TMEM132C: variants seen among roughly 807,000 people sequenced by gnomAD.
TMEM132C encodes the protein transmembrane protein 132C.
Under a neutral mutation model 61.4 loss-of-function variants are expected in TMEM132C, and 29 were observed. The ratio of observed to expected loss-of-function variants is 0.47; its 90% CI spans 0.35 to 0.64. The LOEUF (loss-of-function observed/expected upper bound fraction) is 0.64, where lower values mean the gene tolerates loss of function less well. Among genes scored for constraint, TMEM132C ranks in the 30% least tolerant of loss-of-function variants. TMEM132C has a pLI of 0.00. For synonymous variants in TMEM132C, 656 were observed against 633.1 expected, an observed-to-expected ratio of 1.04 and a Z score of -0.54; for missense variants, 1,408 against 1,476.9, an observed-to-expected ratio of 0.95 and a Z score of 0.76.
chr12:128,533,292 G>A, intron 2 of TMEM132C, among the ~76,000 whole-genome samples: 1 of 152,220 alleles, frequency 6.6e-6, no homozygotes, highest in Non-Finnish European at 1.5e-5. Flanking sequence ...TTCCTTCAGG[G>A]TTGTAATGAC....
chr12:128,315,274 TGGAGAGGAACG>T (rs1872113259), intron 1 of TMEM132C, among the ~76,000 whole-genome samples: 1 of 152,088 alleles, frequency 6.6e-6, no homozygotes. Context: ...CGTCAGTGTG[TGGAGAGGAACG>T]GGATGAGGCT....
chr12:128,658,483 C>T (rs193176981), intron 4 of TMEM132C, among the ~76,000 whole-genome samples: 1 of 152,276 alleles, frequency 6.6e-6, no homozygotes, highest in African/African-American at 2.4e-5. Flanking sequence ...ACCAACTGCG[C>T]TTCCGCTGAG....
chr12:128,450,246 C>T (rs1870133662), intron 2 of TMEM132C, among the ~76,000 whole-genome samples: 1 of 152,144 alleles, frequency 6.6e-6, no homozygotes, highest in Admixed American at 6.5e-5. Context: ...TTAAGAGTCA[C>T]TTGTGGCTAC....
At chr12:128,340,116 T>C (rs920916589) in intron 1 of TMEM132C, among the ~76,000 whole-genome samples, 5 of 152,272 alleles carry the variant, frequency 3.3e-5, no homozygotes, top group Non-Finnish European at 7.3e-5. Flanking sequence ...GTTTCTTTTT[T>C]GCTTTTCCTT....
At chr12:128,268,345 G>C (rs1431399632) in intron 1 of TMEM132C, among the ~76,000 whole-genome samples, 1 of 152,350 alleles carries the variant, frequency 6.6e-6, no homozygotes, top group East Asian at 1.9e-4. Context: ...GTGCGGCCGA[G>C]TGGCCGCGCG....
At chr12:128,444,897 A>T (rs1869923964) in intron 2 of TMEM132C, among the ~76,000 whole-genome samples, 1 of 152,206 alleles carries the variant, frequency 6.6e-6, no homozygotes, top group Non-Finnish European at 1.5e-5. Context: ...GAACTCATTA[A>T]GAAATTATAT....
chr12:128,268,471 G>A (rs1230417295), intron 1 of TMEM132C, among the ~76,000 whole-genome samples: 2 of 152,130 alleles, frequency 1.3e-5, no homozygotes, highest in Non-Finnish European at 2.9e-5. Flanking sequence ...CCCGGGGCGC[G>A]CCCAGGGCGT....
chr12:128,539,738 C>T (rs11059753), intron 2 of TMEM132C, among the ~76,000 whole-genome samples: 28,145 of 152,164 alleles, frequency 0.18, 3,158 homozygotes, highest in South Asian at 0.28. Context: ...TTCTAGGTTA[C>T]GGAGTGGCTG....
intron 2 of TMEM132C, among the ~76,000 whole-genome samples, chr12:128,424,201 C>T (rs960652280): frequency 1.5e-4 from 23 of 152,042 alleles, no homozygotes; most frequent in African/African-American, 5.6e-4. Context: ...AATAGACAAA[C>T]GCCAATCATG....
chr12:128,680,456 C>A (rs781768905), intron 5 of TMEM132C, among the ~76,000 whole-genome samples: 13 of 152,148 alleles, frequency 8.5e-5, no homozygotes, highest in Non-Finnish European at 1.6e-4. Context: ...AGCTGCGCTG[C>A]CCAGTATGAC....
chr12:128,687,023 C>G (rs1481036070), intron 5 of TMEM132C, among the ~76,000 whole-genome samples: 1 of 151,804 alleles, frequency 6.6e-6, no homozygotes, highest in African/African-American at 2.4e-5. Flanking sequence ...ACGGTGAAAC[C>G]TCATCTTTAC....
At chr12:128,368,014 A>G (rs557505441) in intron 1 of TMEM132C, among the ~76,000 whole-genome samples, 2 of 152,330 alleles carry the variant, frequency 1.3e-5, no homozygotes, top group Admixed American at 6.5e-5. Context: ...AATAAAGGAC[A>G]TTATCAGAGC....
chr12:128,691,566 A>G (rs1954719464), intron 5 of TMEM132C, among the ~76,000 whole-genome samples: 1 of 152,192 alleles, frequency 6.6e-6, no homozygotes, highest in South Asian at 2.1e-4. Context: ...GCATCCACCC[A>G]TCTGTCTGTC....
At chr12:128,364,493 T>C (rs1873804185) in intron 1 of TMEM132C, among the ~76,000 whole-genome samples, 1 of 152,188 alleles carries the variant, frequency 6.6e-6, no homozygotes, top group Admixed American at 6.5e-5. Flanking sequence ...TTAGATTCGC[T>C]GCCTGGACCC....
At chr12:128,696,646 C>A (rs1240575984) in intron 7 of TMEM132C, among the ~76,000 whole-genome samples, 3 of 152,170 alleles carry the variant, frequency 2.0e-5, no homozygotes. Context: ...TTTCCTCAAT[C>A]CCTCAAGTCC....
intron 1 of TMEM132C, among the ~76,000 whole-genome samples, chr12:128,388,098 A>G (rs1464578860): frequency 1.3e-5 from 2 of 152,198 alleles, no homozygotes; most frequent in Non-Finnish European, 2.9e-5. Context: ...CACTTCCAAG[A>G]GCCCGAGCCC....
intron 3 of TMEM132C, among the ~76,000 whole-genome samples, chr12:128,551,437 G>A (rs1177215652): frequency 6.6e-6 from 1 of 152,156 alleles, no homozygotes; most frequent in Non-Finnish European, 1.5e-5. Flanking sequence ...CAGACCGCGT[G>A]GCATTTGGTT....
At chr12:128,594,250 G>A (rs1462777723) in intron 3 of TMEM132C, among the ~76,000 whole-genome samples, 2 of 152,008 alleles carry the variant, frequency 1.3e-5, no homozygotes, top group East Asian at 1.9e-4. Context: ...GGATGTGCCC[G>A]TTATGAGTCC....
At chr12:128,677,052 G>A (rs1003078841) in intron 5 of TMEM132C, among the ~76,000 whole-genome samples, 4 of 152,190 alleles carry the variant, frequency 2.6e-5, no homozygotes, top group Non-Finnish European at 4.4e-5. Context: ...AACAATAATA[G>A]GAAGAAAAAC....
Sources: allele counts gnomAD v4.1 joint callset (sites outside exome capture counted in the v4.1 genomes callset), GRCh38; gene constraint gnomAD v4.1.1; transcripts MANE v1.5; gene names NCBI Gene and HGNC (gene_info 2026-07-23, HGNC 2026-07-21).